The following ADCY3 variants were observed in gnomAD, a reference collection of about 807,000 sequenced individuals.
ADCY3 encodes the protein adenylate cyclase 3, also known as adenylate cyclase type 3.
In ADCY3, 70 loss-of-function variants were observed where a neutral mutation model predicts 119.4. The observed-to-expected ratio is 0.59, with a 90% CI of 0.48 to 0.72. ADCY3 has a LOEUF of 0.72. Ranked by LOEUF, ADCY3 falls within the 30% of genes least tolerant of loss-of-function variation. ADCY3 has a pLI of 0.00. For synonymous variants in ADCY3, 672 were observed against 621.4 expected, an observed-to-expected ratio of 1.08 and a Z score of -1.21; for missense variants, 1,238 against 1,541.6, an observed-to-expected ratio of 0.80 and a Z score of 3.30.
rs143658845 is a variant in ADCY3, at chr2:24,835,553, G to C, written c.1663-617C>G. Among the ~76,000 whole-genome samples, 110 of 152,318 alleles carry C rather than the reference G, an allele frequency of 7.2e-4. No homozygotes were observed. In the East Asian group the frequency reaches 0.012, roughly 17 times the overall value. ...AACTCCAAAAACAGGAATCCTGGCT[G>C]TGATGACACAGCCATCAGTCTGAAT... On this transcript the variant is annotated intron_variant, in intron 9 of 21. Transcript: ENST00000679454.
intron 8 of ADCY3, 34 bp from the exon 9 acceptor site, chr2:24,837,079 C>A (rs1337632754): frequency 1.9e-6 from 3 of 1,610,548 alleles, no homozygotes; most frequent in Admixed American, 1.7e-5. Context: ...ATGATCTGGG[C>A]ATGGGATGAG....
At chr2:24,914,999 G>A (rs1573075091) in intron 2 of ADCY3, among the ~76,000 whole-genome samples, 1 of 152,194 alleles carries the variant, frequency 6.6e-6, no homozygotes, top group African/African-American at 2.4e-5. Context: ...TGTCTGGCTG[G>A]CCTCTGACCT....
Position 24,834,935 on chromosome 2 carries a change from G to A in ADCY3, c.1664C>T (p.Ala555Val). Reference protein sequence around the residue: ...SEKPEEQDAQADNPSFPNPRR... With the variant: ...SEKPEEQDAQVDNPSFPNPRR... Reference sequence around the variant, plus strand: ...TGGGTTGGGGAATGAGGGGTTGTCGGCCTGTGAGCCAGGGAGGCAGCGTGA... The same window carrying A: ...TGGGTTGGGGAATGAGGGGTTGTCGACCTGTGAGCCAGGGAGGCAGCGTGA... Residue 555 changes from alanine (A) to valine (V), a missense_variant and splice_region_variant, in exon 10 of 22, where the codon GCC becomes GTC. Coordinates refer to ENST00000679454, the MANE Select transcript of ADCY3 (RefSeq NM_004036.5). This position sits in a 1 kb window ranked among gnomAD's most constrained non-coding sequence, Gnocchi z 4.2. 6.2e-7 allele frequency: 1 copy of A among 1,612,998 alleles called. No individual in the cohort carries two copies.
In ADCY3 at chr2:24,819,935, G is replaced by A. The variant is rs753275037; in HGVS notation, c.3432C>T (p.Ser1144=). 5.6e-6 allele frequency: 9 copies of A among 1,613,778 alleles called. No homozygotes were observed. In the South Asian group the frequency reaches 9.9e-5, roughly 18 times the overall value. The change falls in exon 22 of 22, where the codon TCC becomes TCT. Residue 1144 remains serine (S), a synonymous_variant. Coordinates refer to ENST00000679454, the MANE Select transcript of ADCY3 (RefSeq NM_004036.5). Reference sequence around the variant, plus strand: ...ACTGTTGCAGGCTCGAGGCCATTCAGGAGTTGTCCACCACCTGGTGGGGCA... The same window carrying A: ...ACTGTTGCAGGCTCGAGGCCATTCAAGAGTTGTCCACCACCTGGTGGGGCA... ...VTLPHQVVDN[S]
chr2:24,878,711 T>C lies in ADCY3; in HGVS notation c.676-5992A>G, dbSNP rs1055955065. Among the ~76,000 whole-genome samples, 5 of 152,178 alleles carry C rather than the reference T, an allele frequency of 3.3e-5. No homozygotes were observed. Among genetic ancestry groups the C allele is most frequent in the African/African-American group, 1.2e-4 (5 of 41,456 alleles). On this transcript the variant is annotated intron_variant, in intron 2 of 21. Transcript: ENST00000679454. This position sits in a 1 kb window ranked among gnomAD's most constrained non-coding sequence, Gnocchi z 4.0. ...CACCCAAGGAGGCCCAGCCAGAGCC[T>C]GTGAGGCCGCCACTCAGCACAGATG...
rs988878441 is a variant in ADCY3 at position 24,920,154 on chromosome 2, G to A, written c.-669C>T. 3.1e-4 allele frequency among the ~76,000 whole-genome samples: 45 copies of A among 145,080 alleles called. No homozygotes were observed. Among genetic ancestry groups the A allele is most frequent in the Non-Finnish European group, 5.5e-4 (36 of 65,348 alleles). ...CAGCATCCTCTCGCCCGCCCGCGCC[G>A]AGCCGAGCCAGCCGAGTCCGGGCTC... On this transcript the variant is annotated 5_prime_UTR_variant, in exon 1 of 22. Coordinates refer to ENST00000679454, the MANE Select transcript of ADCY3 (RefSeq NM_004036.5). The surrounding 1 kb of genome is among the most constrained non-coding windows in gnomAD (Gnocchi z 4.5).
rs1278192515 is a variant in ADCY3, at chr2:24,819,528, C to G, written c.*404G>C. The G allele has an allele frequency of 6.3e-6, 1 of 159,604 alleles. No individual in the cohort carries two copies. The highest frequency in any genetic ancestry group is 1.8e-4 in the East Asian group (1 of 5,474). The allele number at this position is 159,604 out of a possible 1,614,324, so 9.9% of individuals were successfully genotyped here. A position where few individuals can be genotyped will look rare whatever the true frequency, so the allele number is the denominator to read the frequency against. On this transcript the variant is annotated 3_prime_UTR_variant, in exon 22 of 22. Coordinates refer to ENST00000679454, the MANE Select transcript of ADCY3 (RefSeq NM_004036.5). ...CCTCCCTTCAAAATGGGAGCCATGT[C>G]CTGCCCCACCAAGCCCTGTCTGAAG...
chr2:24,910,552 T>C (rs903644896), intron 2 of ADCY3, among the ~76,000 whole-genome samples: 2 of 152,202 alleles, frequency 1.3e-5, no homozygotes, highest in African/African-American at 4.8e-5. Flanking sequence ...TTTCCAAATA[T>C]AATCCTTATT....
At chr2:24,829,055 C>T (rs1030405820) in intron 13 of ADCY3, among the ~76,000 whole-genome samples, 5 of 150,026 alleles carry the variant, frequency 3.3e-5, no homozygotes, top group East Asian at 2.0e-4. Context: ...CTCGCTCTGT[C>T]GCCCAGACTG....
In ADCY3 at chr2:24,842,554, C is replaced by T; in HGVS notation, c.826-170G>A. On this transcript the variant is annotated intron_variant, in intron 3 of 21. Coordinates refer to ENST00000679454, the MANE Select transcript of ADCY3 (RefSeq NM_004036.5). This position sits in a 1 kb window ranked among gnomAD's most constrained non-coding sequence, Gnocchi z 4.9. ...CTCGGGAGCAGCCAGGGGTCTGGGA[C>T]AGGCAGCTTCTGGCCCTGACAAGGC... 1 of 831,514 alleles carries T rather than the reference C, an allele frequency of 1.2e-6. No homozygotes were observed. 51.5% of individuals were successfully genotyped at this position (831,514 alleles called of 1,614,324 possible). A position where few individuals can be genotyped will look rare whatever the true frequency, so the allele number is the denominator to read the frequency against.
chr2:24,864,594 T>C (rs1031530989), intron 3 of ADCY3, among the ~76,000 whole-genome samples: 5 of 152,204 alleles, frequency 3.3e-5, no homozygotes. Context: ...GAAGACATCA[T>C]GCTAAGTGAA....
rs1667717665 is a variant in ADCY3 at position 24,821,563 on chromosome 2, G to A, written c.3081C>T (p.Leu1027=). 1.2e-6 allele frequency: 2 copies of A among 1,614,140 alleles called. No homozygotes were observed. The highest frequency in any genetic ancestry group is 1.7e-6 in the Non-Finnish European group (2 of 1,180,004). Residue 1027 remains leucine, a synonymous_variant, in exon 20 of 22, where the codon CTC becomes CTT. Transcript: ENST00000679454. ...TGAAGGACTGGTTGTTGATGTTGGT[G>A]AGCGTATCCTTCATGGCCAGCGCGA... is the stretch of plus-strand genomic sequence containing the variant. The part of the protein sequence containing the change: ...ADFALAMKDT[L]TNINNQSFNN...
chr2:24,850,176 CCTCA>C (rs942739365), intron 3 of ADCY3, among the ~76,000 whole-genome samples: 8 of 152,116 alleles, frequency 5.3e-5, no homozygotes, highest in Non-Finnish European at 1.0e-4. Flanking sequence ...GTTCCTCCCT[CCTCA>C]CTAACACCCA....
At chr2:24,857,157 G>A (rs1673092930) in intron 3 of ADCY3, among the ~76,000 whole-genome samples, 1 of 152,222 alleles carries the variant, frequency 6.6e-6, no homozygotes, top group Admixed American at 6.5e-5. Context: ...GCAGGAGAGG[G>A]GACACCGAAC....
At chr2:24,823,536 G>C (rs1012099045) in intron 17 of ADCY3, among the ~76,000 whole-genome samples, 181 bp from the exon 18 acceptor site, 2 of 147,954 alleles carry the variant, frequency 1.4e-5, no homozygotes, top group African/African-American at 5.0e-5. Flanking sequence ...GTGTTTCCCA[G>C]GCTGGAGTGC....
chr2:24,901,776 C>CT (rs1376584991), intron 2 of ADCY3, among the ~76,000 whole-genome samples: 1 of 115,974 alleles, frequency 8.6e-6, no homozygotes, highest in Non-Finnish European at 1.8e-5. Flanking sequence ...AAGACCTCAT[C>CT]TTTAAAAAAA....
Position 24,841,479 on chromosome 2 carries a change from T to C in ADCY3, c.1068+77A>G. The C allele has an allele frequency of 4.4e-6, 7 of 1,588,332 alleles. No homozygotes were observed. The East Asian group carries it at 9.0e-5, about 21-fold the overall frequency. On this transcript the variant is annotated intron_variant, in intron 5 of 21. Transcript: ENST00000679454. The surrounding 1 kb of genome is among the most constrained non-coding windows in gnomAD (Gnocchi z 5.8). ...GAGGAAGGACAGTGGGAGAAAATCATGGGGCCGGGGATGGGGGCCAGGCAG... is the reference window on the plus strand; with the variant it reads ...GAGGAAGGACAGTGGGAGAAAATCACGGGGCCGGGGATGGGGGCCAGGCAG...
chr2:24,903,192 T>TG (rs1457275087), intron 2 of ADCY3, among the ~76,000 whole-genome samples: 1 of 151,688 alleles, frequency 6.6e-6, no homozygotes, highest in Non-Finnish European at 1.5e-5. Flanking sequence ...GTTGACTGTG[T>TG]GGGGGGCAGC....
At chr2:24,895,543 C>T (rs1678161830) in intron 2 of ADCY3, among the ~76,000 whole-genome samples, 1 of 152,072 alleles carries the variant, frequency 6.6e-6, no homozygotes, top group Non-Finnish European at 1.5e-5. Flanking sequence ...TTCAATTAAA[C>T]ATATTAGGGT....
Sources: allele counts gnomAD v4.1 joint callset (sites outside exome capture counted in the v4.1 genomes callset), GRCh38; gene constraint gnomAD v4.1.1; non-coding constraint Gnocchi (gnomAD v3.1); transcripts MANE v1.5; gene names NCBI Gene and HGNC (gene_info 2026-07-23, HGNC 2026-07-21).